Variants in CNTN5 observed in about 807,000 individuals in gnomAD.
The protein encoded by CNTN5 is contactin-5.
Under a neutral mutation model 129.1 loss-of-function variants are expected in CNTN5, and 77 were observed. That is an observed-to-expected ratio of 0.60 (90% CI 0.50 to 0.72). The LOEUF (loss-of-function observed/expected upper bound fraction) is 0.72. Ranked by LOEUF, CNTN5 falls within the 30% of genes least tolerant of loss-of-function variation. The probability of loss-of-function intolerance (pLI) is 0.00; values close to 1 mark genes in which losing one functional copy is unlikely to be tolerated. For missense variants in CNTN5, 1,478 were observed against 1,328.8 expected (o/e 1.11, Z -1.75); for synonymous variants, 509 against 465.6 (o/e 1.09, Z -1.20).
chr11:99,972,671 G>C (rs1951296719), intron 8 of CNTN5, among the ~76,000 whole-genome samples: 1 of 152,056 alleles, frequency 6.6e-6, no homozygotes, highest in Non-Finnish European at 1.5e-5. Context: ...ATGAAATCTT[G>C]AACCTACTCT....
At chr11:99,730,042 G>A (rs1451654166) in intron 3 of CNTN5, among the ~76,000 whole-genome samples, 1 of 152,162 alleles carries the variant, frequency 6.6e-6, no homozygotes, top group Admixed American at 6.5e-5. Context: ...CCCTGCACAT[G>A]TATCCCAGAA....
chr11:100,352,760 G>A (rs925151362), intron 24 of CNTN5, among the ~76,000 whole-genome samples: 3 of 151,726 alleles, frequency 2.0e-5, no homozygotes, highest in African/African-American at 7.2e-5. Flanking sequence ...AACAAGAAAA[G>A]TTATAATGTC....
At chr11:100,296,699 A>G (rs1055115693) in intron 18 of CNTN5, among the ~76,000 whole-genome samples, 4 of 151,574 alleles carry the variant, frequency 2.6e-5, no homozygotes, top group African/African-American at 7.3e-5. Flanking sequence ...CCTTTCCAGG[A>G]GTATATAAAT....
chr11:100,299,042 T>C (rs1299066164), intron 19 of CNTN5, 120 bp from the exon 20 acceptor site: 1 of 640,838 alleles, frequency 1.6e-6, no homozygotes, highest in Non-Finnish European at 2.6e-6. Flanking sequence ...CAATGTAGTA[T>C]AAAGATTTGA....
chr11:99,943,286 G>C (rs1950482371), intron 7 of CNTN5, among the ~76,000 whole-genome samples: 1 of 152,128 alleles, frequency 6.6e-6, no homozygotes, highest in South Asian at 2.1e-4. Context: ...CTGATAACCA[G>C]TGATGATAGG....
intron 13 of CNTN5, among the ~76,000 whole-genome samples, chr11:100,150,941 T>G (rs1275478350): frequency 6.6e-6 from 1 of 152,010 alleles, no homozygotes; most frequent in African/African-American, 2.4e-5. Flanking sequence ...AGTGAGCTTA[T>G]AAGAAGAGGA....
At chr11:99,435,644 C>T (rs1354214468) in intron 2 of CNTN5, among the ~76,000 whole-genome samples, 1 of 152,204 alleles carries the variant, frequency 6.6e-6, no homozygotes, top group Non-Finnish European at 1.5e-5. Flanking sequence ...GAGGGATACA[C>T]TAAGTCTTAA....
At chr11:99,073,080 C>T (rs1465447911) in intron 1 of CNTN5, among the ~76,000 whole-genome samples, 2 of 152,162 alleles carry the variant, frequency 1.3e-5, no homozygotes, top group Admixed American at 6.6e-5. Flanking sequence ...TTTAACTTCT[C>T]ATTGCTATAT....
At chr11:99,313,051 C>T (rs1222557904) in intron 1 of CNTN5, among the ~76,000 whole-genome samples, 24 of 151,436 alleles carry the variant, frequency 1.6e-4, no homozygotes, top group Admixed American at 1.5e-3. Context: ...TATACTCGAT[C>T]GTATATAGAC....
At chr11:99,152,036 G>A (rs1591281150) in intron 1 of CNTN5, among the ~76,000 whole-genome samples, 2 of 152,076 alleles carry the variant, frequency 1.3e-5, no homozygotes. Flanking sequence ...ACAAAGTAAT[G>A]AAAAAGTAGT....
chr11:99,252,800 T>C (rs979377227), intron 1 of CNTN5, among the ~76,000 whole-genome samples: 1 of 152,082 alleles, frequency 6.6e-6, no homozygotes, highest in Non-Finnish European at 1.5e-5. Context: ...TAGTCTATGC[T>C]CTAATTCATT....
chr11:100,339,527 T>C (rs896958668), intron 21 of CNTN5, among the ~76,000 whole-genome samples: 1 of 151,892 alleles, frequency 6.6e-6, no homozygotes, highest in Admixed American at 6.6e-5. Flanking sequence ...AAGATTCAAT[T>C]GGTAAAAAGG....
chr11:99,804,339 C>CA (rs1442584022), intron 3 of CNTN5, among the ~76,000 whole-genome samples: 1 of 151,970 alleles, frequency 6.6e-6, no homozygotes, highest in Non-Finnish European at 1.5e-5. Flanking sequence ...AATGTCAACT[C>CA]AGTCAGTTAA....
intron 2 of CNTN5, among the ~76,000 whole-genome samples, chr11:99,492,310 A>G (rs1946067237): frequency 6.6e-6 from 1 of 152,166 alleles, no homozygotes; most frequent in Admixed American, 6.6e-5. Flanking sequence ...GACAATAGCC[A>G]TATCAATTAC....
chr11:99,321,976 T>A (rs1338676315), intron 1 of CNTN5, among the ~76,000 whole-genome samples: 1 of 152,164 alleles, frequency 6.6e-6, no homozygotes, highest in Non-Finnish European at 1.5e-5. Flanking sequence ...GCCAAGCCAT[T>A]CTGTGCACTG....
chr11:99,608,593 A>G (rs1435800478), intron 3 of CNTN5, among the ~76,000 whole-genome samples: 3 of 152,184 alleles, frequency 2.0e-5, no homozygotes, highest in Non-Finnish European at 2.9e-5. Flanking sequence ...GATGATATGA[A>G]GAGACACAGG....
chr11:99,053,732 A>G (rs1864519203), intron 1 of CNTN5, among the ~76,000 whole-genome samples: 1 of 151,970 alleles, frequency 6.6e-6, no homozygotes, highest in African/African-American at 2.4e-5. Context: ...ATAGAGGATG[A>G]TATAATGAGG....
intron 1 of CNTN5, among the ~76,000 whole-genome samples, chr11:99,229,377 G>T (rs1860865006): frequency 6.6e-6 from 1 of 151,914 alleles, no homozygotes; most frequent in African/African-American, 2.4e-5. Flanking sequence ...CAGGTGTTTT[G>T]TATATAAATG....
At chr11:99,454,982 T>C (rs538467835) in intron 2 of CNTN5, among the ~76,000 whole-genome samples, 54 of 152,104 alleles carry the variant, frequency 3.6e-4, no homozygotes, top group Admixed American at 2.5e-3. Context: ...TTGGTTGGTT[T>C]TGGAAAGAAA....
Sources: allele counts gnomAD v4.1 joint callset (sites outside exome capture counted in the v4.1 genomes callset), GRCh38; gene constraint gnomAD v4.1.1; transcripts MANE v1.5; gene names NCBI Gene and HGNC (gene_info 2026-07-23, HGNC 2026-07-21).